The following NF1 variants were observed in gnomAD, a reference collection of about 807,000 sequenced individuals.
The protein encoded by NF1 is neurofibromin.
A neutral mutation model predicts 325.7 loss-of-function variants in NF1; 122 were observed. The ratio of observed to expected loss-of-function variants is 0.37; its 90% confidence interval spans 0.32 to 0.44. NF1 has a LOEUF of 0.44. Among genes scored for constraint, NF1 ranks in the 20% least tolerant of loss-of-function variants. The pLI, the probability that NF1 is intolerant of heterozygous loss-of-function variation, is 1.00. For missense variants in NF1, 2,140 were observed against 3,415.4 expected (o/e 0.63, Z 9.31); for synonymous variants, 1,091 against 1,186.0 (o/e 0.92, Z 1.65).
chr17:31,329,316 G>A (rs1236733405), intron 38 of NF1, among the ~76,000 whole-genome samples: 1 of 152,066 alleles, frequency 6.6e-6, no homozygotes, highest in Non-Finnish European at 1.5e-5. Flanking sequence ...ACAATTATTA[G>A]CCTGGGTAAA....
intron 4 of NF1, 97 bp downstream of exon 4, chr17:31,163,473 G>GA: frequency 7.3e-7 from 1 of 1,364,036 alleles, no homozygotes; most frequent in Non-Finnish European, 1.0e-6. Context: ...TGGAAATGAG[G>GA]TTTTTTTGTT....
intron 36 of NF1, chr17:31,305,627 T>C: frequency 6.2e-7 from 1 of 1,604,030 alleles, no homozygotes; most frequent in South Asian, 1.1e-5. Flanking sequence ...TATTTCCTCG[T>C]TATCTATAGC....
intron 45 of NF1, 56 bp from the exon 46 acceptor site, chr17:31,338,648 G>T (rs1413977882): frequency 9.5e-7 from 1 of 1,055,680 alleles, no homozygotes; most frequent in Non-Finnish European, 1.5e-6. Flanking sequence ...ATTCAGTTTA[G>T]GAGTTAATGT....
chr17:31,105,571 A>G (rs1002308334), intron 1 of NF1, among the ~76,000 whole-genome samples: 22 of 151,934 alleles, frequency 1.4e-4, no homozygotes, highest in Non-Finnish European at 8.8e-5. Context: ...CTGGAGTGCA[A>G]TGTTGTGATC....
At chr17:31,290,617 A>G (rs1041559692) in intron 36 of NF1, among the ~76,000 whole-genome samples, 3 of 152,194 alleles carry the variant, frequency 2.0e-5, no homozygotes, top group African/African-American at 7.2e-5. Context: ...CTGTGCTCTC[A>G]TTGTGCTGTT....
chr17:31,154,053 ATTTTTT>A (rs67332557), intron 1 of NF1, among the ~76,000 whole-genome samples: 16 of 52,712 alleles, frequency 3.0e-4, no homozygotes, highest in African/African-American at 1.2e-3. Context: ...AGTTTCTTTG[ATTTTTT>A]TTTTTTTTTT....
chr17:31,175,700 C>T (rs1217034078), intron 5 of NF1, among the ~76,000 whole-genome samples: 2 of 151,940 alleles, frequency 1.3e-5, no homozygotes, highest in African/African-American at 4.8e-5. Flanking sequence ...CGACAGGCAC[C>T]GATGCGTGAT....
intron 1 of NF1, among the ~76,000 whole-genome samples, chr17:31,114,081 G>C (rs1800422088): frequency 6.6e-6 from 1 of 152,176 alleles, no homozygotes; most frequent in Non-Finnish European, 1.5e-5. Context: ...ACATAGAGAA[G>C]AAGAGGGAAG....
At chr17:31,293,113 G>T (rs1037506377) in intron 36 of NF1, among the ~76,000 whole-genome samples, 2 of 139,834 alleles carry the variant, frequency 1.4e-5, no homozygotes, top group African/African-American at 5.1e-5. Flanking sequence ...GGGAGGGGGA[G>T]ATTGCAGTCA....
At chr17:31,110,639 C>G (rs1466649004) in intron 1 of NF1, among the ~76,000 whole-genome samples, 1 of 151,980 alleles carries the variant, frequency 6.6e-6, no homozygotes, top group Non-Finnish European at 1.5e-5. Flanking sequence ...GAAGCAGACT[C>G]AGAAAATTGA....
intron 8 of NF1, among the ~76,000 whole-genome samples, chr17:31,185,794 G>A (rs1309141966): frequency 6.6e-6 from 1 of 152,146 alleles, no homozygotes; most frequent in Non-Finnish European, 1.5e-5. Flanking sequence ...CTGCCACTTG[G>A]GCCATATGAC....
intron 7 of NF1, 32 bp downstream of exon 7, chr17:31,181,817 T>TTG (rs1555608789): frequency 7.0e-7 from 1 of 1,420,382 alleles, no homozygotes; most frequent in Non-Finnish European, 9.9e-7. Flanking sequence ...TTTTTTTTTT[T>TTG]GTCTTTTAAA....
intron 36 of NF1, chr17:31,294,449 T>C (rs1466812802): frequency 1.3e-5 from 2 of 158,638 alleles, no homozygotes; most frequent in African/African-American, 4.8e-5. Flanking sequence ...TTAAAACAAT[T>C]ATGGCTTGTC....
intron 36 of NF1, 24 bp from the exon 37 acceptor site, chr17:31,325,796 T>A: frequency 6.3e-7 from 1 of 1,585,320 alleles, no homozygotes. Flanking sequence ...TAATAATCTT[T>A]GTCTTTTTTG....
chr17:31,115,417 C>G (rs1304082263), intron 1 of NF1, among the ~76,000 whole-genome samples: 1 of 152,166 alleles, frequency 6.6e-6, no homozygotes, highest in Non-Finnish European at 1.5e-5. Flanking sequence ...GAACCAAGGC[C>G]TCCAATCCAG....
rs17881467 is a variant in NF1, at chr17:31,229,969, G to C, written c.2985G>C (p.Leu995=). The C allele has an allele frequency of 6.8e-4, 1,088 of 1,611,672 alleles. 3 individuals are homozygous for C. In the African/African-American group the frequency reaches 0.013, roughly 20 times the overall value. ...QASIETMMLN[L]VRYVRVLGNM... is the part of the protein sequence containing the mutation. ...GCATTGAAACAATGATGTTAAATCTGGTCAGGTAAGCATTCTACTGAAATG... is the reference window on the plus strand; with the variant it reads ...GCATTGAAACAATGATGTTAAATCTCGTCAGGTAAGCATTCTACTGAAATG... The change falls in exon 22 of 58, where the codon CTG becomes CTC. Residue 995 remains leucine, a synonymous_variant. Coordinates refer to ENST00000358273, the MANE Select transcript of NF1 (RefSeq NM_001042492.3).
At chr17:31,247,144 G>A (rs924437633) in intron 29 of NF1, among the ~76,000 whole-genome samples, 4 of 148,174 alleles carry the variant, frequency 2.7e-5, no homozygotes, top group East Asian at 4.0e-4. Context: ...GCAGTGAGCC[G>A]AGATTGTGCC....
intron 1 of NF1, among the ~76,000 whole-genome samples, chr17:31,114,458 A>C (rs1597575577): frequency 6.6e-6 from 1 of 151,852 alleles, no homozygotes; most frequent in Non-Finnish European, 1.5e-5. Flanking sequence ...GAATCGCTTC[A>C]ACCCAGGAGG....
intron 1 of NF1, among the ~76,000 whole-genome samples, chr17:31,144,867 C>T (rs993631835): frequency 1.3e-5 from 2 of 152,160 alleles, no homozygotes; most frequent in African/African-American, 4.8e-5. Context: ...ATTTCTTTTC[C>T]TAATGAGGGA....
Sources: allele counts gnomAD v4.1 joint callset (sites outside exome capture counted in the v4.1 genomes callset), GRCh38; gene constraint gnomAD v4.1.1; transcripts MANE v1.5; gene names NCBI Gene and HGNC (gene_info 2026-07-23, HGNC 2026-07-21).